The following ZMAT3 variants were observed in gnomAD, a reference collection of about 807,000 sequenced individuals.
ZMAT3 encodes zinc finger matrin-type protein 3.
ZMAT3 carries 17 observed loss-of-function variants against 32.3 expected under a neutral mutation model. That is an observed-to-expected ratio of 0.53 (90% CI 0.36 to 0.79). The LOEUF is 0.79. ZMAT3 is among the 30% of genes least tolerant of loss of function. ZMAT3 has a pLI of 0.00. For synonymous variants in ZMAT3, 120 were observed against 133.1 expected (o/e 0.90, Z 0.68); for missense variants, 329 against 359.7 (o/e 0.91, Z 0.69).
intron 2 of ZMAT3, among the ~76,000 whole-genome samples, chr3:179,056,485 G>A (rs560586186): frequency 6.6e-6 from 1 of 152,218 alleles, no homozygotes; most frequent in African/African-American, 2.4e-5. Flanking sequence ...GTAGAAATAA[G>A]CCGCCCCCTT....
intron 2 of ZMAT3, among the ~76,000 whole-genome samples, chr3:179,042,989 T>C (rs1377269591): frequency 6.6e-6 from 1 of 151,940 alleles, no homozygotes; most frequent in Non-Finnish European, 1.5e-5. Flanking sequence ...ACGAAAACAA[T>C]AAAATACCTA....
Position 179,027,462 on chromosome 3 carries a change from G to A in ZMAT3, c.619C>T (p.Pro207Ser), listed in dbSNP as rs765810607. ...RKEGNEFKMM[P>S]NRRNMYTVQN... ...ACTGTATACATATTTCTCCTGTTAG[G>A]CATCATCTTAAACTCATTCCCTTCT... Residue 207 changes from proline to serine, a missense_variant, in exon 5 of 6, where the codon CCT (proline) becomes TCT (serine). Physicochemically the swap from Pro to Ser is moderately conservative, Grantham distance 74 (BLOSUM62 -1). Transcript: ENST00000311417. The A allele has an allele frequency of 1.9e-6, 3 of 1,614,030 alleles. No homozygotes were observed. Among genetic ancestry groups the A allele is most frequent in the Non-Finnish European group, 2.5e-6 (3 of 1,180,034 alleles).
At position 179,046,480 on chromosome 3, in the gene ZMAT3, A is replaced by C. The variant is rs1239496591; in HGVS notation, c.271-15481T>G. On this transcript the variant is annotated intron_variant, in intron 2 of 5. Transcript: ENST00000311417. The surrounding 1 kb of genome is among the most constrained non-coding windows in gnomAD (Gnocchi z 4.3). ...TTGCTCCAAGAACTACAGCAGGAAC[A>C]TACCAGGAAAGCGGAGGGTATTCAC... Among the ~76,000 whole-genome samples, 3 of 152,186 alleles carry C rather than the reference A, an allele frequency of 2.0e-5. No individual in the cohort carries two copies. The highest frequency in any genetic ancestry group is 4.4e-5 in the Non-Finnish European group (3 of 68,030).
intron 2 of ZMAT3, among the ~76,000 whole-genome samples, chr3:179,065,893 G>T (rs1331746593): frequency 6.6e-6 from 1 of 152,052 alleles, no homozygotes; most frequent in South Asian, 2.1e-4. Flanking sequence ...GCAACAGAGC[G>T]AGACTCTGTC....
At chr3:179,051,027 A>G (rs1720526279) in intron 2 of ZMAT3, among the ~76,000 whole-genome samples, 1 of 152,216 alleles carries the variant, frequency 6.6e-6, no homozygotes, top group Non-Finnish European at 1.5e-5. Context: ...CACAGCCAAC[A>G]TTATACTGAA....
intron 2 of ZMAT3, among the ~76,000 whole-genome samples, chr3:179,041,402 C>G (rs534772340): frequency 6.6e-6 from 1 of 152,318 alleles, no homozygotes; most frequent in Non-Finnish European, 1.5e-5. Context: ...ACAGTGCAAT[C>G]AAATTAGAAC....
At chr3:179,070,593 G>A (rs1721658864) in intron 1 of ZMAT3, among the ~76,000 whole-genome samples, 1 of 152,208 alleles carries the variant, frequency 6.6e-6, no homozygotes, top group Non-Finnish European at 1.5e-5. Flanking sequence ...ATGCATGAAT[G>A]ATGGAATACA....
intron 3 of ZMAT3, among the ~76,000 whole-genome samples, chr3:179,028,689 G>T (rs1719016213): frequency 6.6e-6 from 1 of 152,206 alleles, no homozygotes; most frequent in South Asian, 2.1e-4. Flanking sequence ...GCAGCTTGAA[G>T]ATCTCTCTGG....
chr3:179,067,541 T>C lies in ZMAT3; in HGVS notation c.212A>G (p.Tyr71Cys). 6.2e-7 allele frequency: 1 copy of C among 1,614,200 alleles called. No homozygotes were observed. Among genetic ancestry groups the C allele is most frequent in the Non-Finnish European group, 8.5e-7 (1 of 1,180,042 alleles). The change falls in exon 2 of 6, where the codon TAC becomes TGC. Residue 71 changes from tyrosine (Y) to cysteine (C), a missense_variant. Transcript: ENST00000311417. Reference protein sequence around the residue: ...CALEELCKPLYCKLCNVTLNS... With the variant: ...CALEELCKPLCCKLCNVTLNS... The stretch of plus-strand genomic sequence containing the variant: ...CAAGGTGACATTGCAGAGTTTGCAG[T>C]ACAGGGGCTTACATAGCTCCTCCAG...
rs1157563304 is a variant in ZMAT3, at chr3:179,022,044, T to A, written c.*2973A>T. 6.6e-6 allele frequency: 1 copy of A among 151,710 alleles called. No individual in the cohort carries two copies. Among genetic ancestry groups the A allele is most frequent in the Non-Finnish European group, 1.5e-5 (1 of 68,024 alleles). 9.4% of individuals were successfully genotyped at this position (151,710 alleles called of 1,614,324 possible). On this transcript the variant is annotated 3_prime_UTR_variant, in exon 6 of 6. Coordinates refer to ENST00000311417, the MANE Select transcript of ZMAT3 (RefSeq NM_022470.4). ...TTGTAGGCAATACGGTACTAAAGTG[T>A]CCTATAAAACAAACACATAGCTCTT... is the stretch of plus-strand genomic sequence containing the variant.
intron 2 of ZMAT3, among the ~76,000 whole-genome samples, chr3:179,036,247 T>G (rs1196029502): frequency 1.3e-5 from 2 of 152,010 alleles, no homozygotes; most frequent in Non-Finnish European, 2.9e-5. Context: ...TAGAGTCTAG[T>G]AGAGAATGAA....
At chr3:179,029,670 A>G (rs1719074920) in intron 3 of ZMAT3, among the ~76,000 whole-genome samples, 1 of 152,150 alleles carries the variant, frequency 6.6e-6, no homozygotes, top group Non-Finnish European at 1.5e-5. Context: ...GATGAATAAA[A>G]TACCAAAATT....
intron 2 of ZMAT3, among the ~76,000 whole-genome samples, chr3:179,031,632 G>C (rs1302300139): frequency 2.6e-5 from 4 of 152,108 alleles, no homozygotes; most frequent in African/African-American, 7.2e-5. Context: ...CATTGGCTGG[G>C]TGCGGTGGCT....
At chr3:179,030,645 C>A (rs1244335234) in intron 3 of ZMAT3, among the ~76,000 whole-genome samples, 2 of 152,074 alleles carry the variant, frequency 1.3e-5, no homozygotes, top group East Asian at 3.9e-4. Context: ...TGAGTGACCG[C>A]ACCTGGCCTA....
chr3:179,038,341 G>A lies in ZMAT3; in HGVS notation c.271-7342C>T, dbSNP rs772481160. ...CATGCCTATAATCCCAGCACTTTGG[G>A]AGGCTGAGGCAGAAGGATCACTTGA... On this transcript the variant is annotated intron_variant, in intron 2 of 5. Transcript: ENST00000311417. Among the ~76,000 whole-genome samples, 83 of 152,198 alleles carry A rather than the reference G, an allele frequency of 5.5e-4. 1 individual carries two copies. The highest frequency in any genetic ancestry group is 1.6e-4 in the Non-Finnish European group (11 of 68,036).
Position 179,019,277 on chromosome 3 carries a change from G to GA in ZMAT3, c.*5739dup, listed in dbSNP as rs1043043241. ...ACTGGAAGACAAAAGTCCACAGGAG[G>GA]AAAAAAAAAAAAGTATGTTAATTGG... On this transcript the variant is annotated 3_prime_UTR_variant, in exon 6 of 6. Coordinates refer to ENST00000311417, the MANE Select transcript of ZMAT3 (RefSeq NM_022470.4). The GA allele has an allele frequency of 8.9e-4, 126 of 141,750 alleles. 1 individual carries two copies. The Middle Eastern group carries it at 0.014, about 16-fold the overall frequency. 8.8% of individuals were successfully genotyped at this position (141,750 alleles called of 1,614,324 possible).
At chr3:179,031,249 A>G (rs1322273741) in intron 2 of ZMAT3, among the ~76,000 whole-genome samples, 1 of 152,084 alleles carries the variant, frequency 6.6e-6, no homozygotes, top group Non-Finnish European at 1.5e-5. Flanking sequence ...AGGAAAAAAA[A>G]AAAACGCATA....
At chr3:179,059,437 T>C (rs1400034215) in intron 2 of ZMAT3, among the ~76,000 whole-genome samples, 1 of 152,316 alleles carries the variant, frequency 6.6e-6, no homozygotes, top group Non-Finnish European at 1.5e-5. Flanking sequence ...AAAGCATTAT[T>C]TACTGGACCA....
intron 2 of ZMAT3, among the ~76,000 whole-genome samples, chr3:179,041,042 T>C (rs1032306725): frequency 6.6e-6 from 1 of 152,106 alleles, no homozygotes; most frequent in Non-Finnish European, 1.5e-5. Context: ...CTATCCTAAA[T>C]ATATATGCAC....
Sources: gnomAD v4.1 joint callset for allele counts (sites outside exome capture counted in the v4.1 genomes callset) on GRCh38, gnomAD v4.1.1 for gene constraint, Gnocchi (gnomAD v3.1) non-coding constraint, MANE v1.5 for transcripts, NCBI Gene and HGNC (gene_info 2026-07-23, HGNC 2026-07-21) for gene names.